Variants in LDLRAD4 observed in about 807,000 individuals in gnomAD.
LDLRAD4 encodes low density lipoprotein receptor class A domain containing 4.
LDLRAD4 carries 5 observed loss-of-function variants against 17.0 expected under a neutral mutation model. That is an observed-to-expected ratio of 0.29 (90% CI 0.15 to 0.62). The LOEUF (loss-of-function observed/expected upper bound fraction) is 0.62, where lower values mean the gene tolerates loss of function less well. Among genes scored for constraint, LDLRAD4 ranks in the 20% least tolerant of loss-of-function variants. The probability of loss-of-function intolerance (pLI) is 0.84; values close to 1 mark genes in which losing one functional copy is unlikely to be tolerated. For missense variants in LDLRAD4, 340 were observed against 424.7 expected, an observed-to-expected ratio of 0.80 and a Z score of 1.75; for synonymous variants, 168 against 171.8, an observed-to-expected ratio of 0.98 and a Z score of 0.17.
At chr18:13,392,190 G>A (rs375092076) in intron 2 of LDLRAD4, among the ~76,000 whole-genome samples, 2 of 152,342 alleles carry the variant, frequency 1.3e-5, no homozygotes, top group East Asian at 1.9e-4. Context: ...CAGTGACTGC[G>A]CTCAGAATTG....
At chr18:13,315,535 A>G (rs888538228) in intron 1 of LDLRAD4, among the ~76,000 whole-genome samples, 2 of 152,212 alleles carry the variant, frequency 1.3e-5, no homozygotes, top group African/African-American at 4.8e-5. Flanking sequence ...GGCTCACACC[A>G]GCACTTTGGG....
At chr18:13,559,447 A>G (rs577923024) in intron 3 of LDLRAD4, among the ~76,000 whole-genome samples, 1 of 150,044 alleles carries the variant, frequency 6.7e-6, no homozygotes, top group East Asian at 2.0e-4. Context: ...TGCTAAAAAA[A>G]TGCAACAGGA....
chr18:13,219,992 T>C (rs1697856089), intron 1 of LDLRAD4, among the ~76,000 whole-genome samples: 1 of 152,242 alleles, frequency 6.6e-6, no homozygotes, highest in Admixed American at 6.5e-5. Context: ...CAGTCAAGGA[T>C]CAGAGTGTCA....
At chr18:13,284,435 A>G (rs2045488251) in intron 1 of LDLRAD4, among the ~76,000 whole-genome samples, 1 of 152,178 alleles carries the variant, frequency 6.6e-6, no homozygotes, top group African/African-American at 2.4e-5. Context: ...CAAATGCGCT[A>G]GCAGCTCCGT....
rs79031644 is a variant in LDLRAD4, at chr18:13,333,067, T to A, written c.-382-54274T>A. ...TGAGAGTTCTGTTGCCCTACATCCT[T>A]GCCAGCTTTTGGTATTGTCAGTGTT... On this transcript the variant is annotated intron_variant, in intron 1 of 5. Transcript: ENST00000359446. Among the ~76,000 whole-genome samples, 528 of 152,334 alleles carry A rather than the reference T, an allele frequency of 3.5e-3. 1 individual carries two copies. Among genetic ancestry groups the A allele is most frequent in the African/African-American group, 0.012 (496 of 41,582 alleles).
At chr18:13,247,929 C>T (rs114890781) in intron 1 of LDLRAD4, among the ~76,000 whole-genome samples, 114 of 149,744 alleles carry the variant, frequency 7.6e-4, no homozygotes, top group African/African-American at 2.5e-3. Context: ...TTCAGAAAAC[C>T]TGTCCAACTG....
At chr18:13,284,358 T>A (rs988182838) in intron 1 of LDLRAD4, among the ~76,000 whole-genome samples, 1 of 152,124 alleles carries the variant, frequency 6.6e-6, no homozygotes, top group Non-Finnish European at 1.5e-5. Context: ...TTAGAGTTTA[T>A]TAGTTTCTCA....
intron 3 of LDLRAD4, among the ~76,000 whole-genome samples, chr18:13,524,915 C>G (rs1395473340): frequency 6.6e-6 from 1 of 152,242 alleles, no homozygotes; most frequent in Non-Finnish European, 1.5e-5. Flanking sequence ...GTGTCACTCT[C>G]CATCTCGCCC....
chr18:13,483,944 C>T (rs746498103), intron 3 of LDLRAD4: 1 of 152,660 alleles, frequency 6.6e-6, no homozygotes, highest in African/African-American at 2.4e-5. Flanking sequence ...CTTCACAGCT[C>T]AAGACCCCTG....
At chr18:13,338,234 C>T (rs1451376135) in intron 1 of LDLRAD4, among the ~76,000 whole-genome samples, 1 of 152,134 alleles carries the variant, frequency 6.6e-6, no homozygotes, top group African/African-American at 2.4e-5. Context: ...TTCTATTCTC[C>T]CTTGATTTTT....
At chr18:13,305,382 A>G (rs2046851967) in intron 1 of LDLRAD4, among the ~76,000 whole-genome samples, 1 of 152,212 alleles carries the variant, frequency 6.6e-6, no homozygotes, top group Non-Finnish European at 1.5e-5. Flanking sequence ...TCTGGTTGCT[A>G]TTGTGGTCAG....
intron 4 of LDLRAD4, chr18:13,642,011 C>T: frequency 1.0e-6 from 1 of 985,402 alleles, no homozygotes; most frequent in Non-Finnish European, 1.2e-6. Context: ...CCCCTTCCCG[C>T]TTCCGCCCCG....
chr18:13,459,598 G>A (rs556079802), intron 3 of LDLRAD4, among the ~76,000 whole-genome samples: 50 of 152,044 alleles, frequency 3.3e-4, no homozygotes, highest in Non-Finnish European at 5.6e-4. Context: ...GGCCAGGCTG[G>A]TCTCAAACTC....
chr18:13,579,138 C>T (rs758163747), intron 3 of LDLRAD4, among the ~76,000 whole-genome samples: 13 of 151,742 alleles, frequency 8.6e-5, no homozygotes, highest in South Asian at 4.2e-4. Flanking sequence ...TGCAGTGAGC[C>T]GAGATCGCAC....
At chr18:13,422,353 C>T (rs2089550956) in intron 2 of LDLRAD4, among the ~76,000 whole-genome samples, 1 of 152,208 alleles carries the variant, frequency 6.6e-6, no homozygotes, top group Non-Finnish European at 1.5e-5. Flanking sequence ...AAGGCTTAGT[C>T]ATTGCCACTT....
intron 1 of LDLRAD4, among the ~76,000 whole-genome samples, chr18:13,323,231 A>G (rs897336898): frequency 6.6e-6 from 1 of 152,374 alleles, no homozygotes. Flanking sequence ...TTTTGTAGAC[A>G]CAGGATCTTG....
chr18:13,479,788 C>T (rs986203573), intron 3 of LDLRAD4, among the ~76,000 whole-genome samples: 2 of 152,150 alleles, frequency 1.3e-5, no homozygotes, highest in Non-Finnish European at 2.9e-5. Context: ...ATAGACACCT[C>T]ACCAAAGAAA....
At chr18:13,280,991 C>G (rs1294708713) in intron 1 of LDLRAD4, among the ~76,000 whole-genome samples, 1 of 152,136 alleles carries the variant, frequency 6.6e-6, no homozygotes, top group African/African-American at 2.4e-5. Flanking sequence ...CAATCATTAC[C>G]TTTGAATATA....
At chr18:13,646,503 G>C (rs1258319397) in exon 6 of LDLRAD4, 1 of 152,226 alleles carries the variant, frequency 6.6e-6, no homozygotes, top group Non-Finnish European at 1.5e-5. Flanking sequence ...AGATAAGATA[G>C]GGAAGATTAA....
Sources: allele counts gnomAD v4.1 joint callset (sites outside exome capture counted in the v4.1 genomes callset), GRCh38; gene constraint gnomAD v4.1.1; transcripts MANE v1.5; gene names NCBI Gene and HGNC (gene_info 2026-07-23, HGNC 2026-07-21).